The following LYRM4 variants were observed in gnomAD, a reference collection of about 807,000 sequenced individuals.
The protein encoded by LYRM4 is LYR motif-containing protein 4.
Under a neutral mutation model 11.7 loss-of-function variants are expected in LYRM4, and 9 were observed. The ratio of observed to expected loss-of-function variants is 0.77; its 90% CI spans 0.46 to 1.34. The LOEUF (loss-of-function observed/expected upper bound fraction) is 1.34. Ranked by LOEUF, LYRM4 falls within the 40% of genes most tolerant of loss-of-function variation. The probability of loss-of-function intolerance (pLI) is 0.00; values close to 1 mark genes in which losing one functional copy is unlikely to be tolerated. For synonymous variants in LYRM4, 42 were observed against 40.4 expected, an observed-to-expected ratio of 1.04 and a Z score of -0.15; for missense variants, 133 against 112.5, an observed-to-expected ratio of 1.18 and a Z score of -0.82.
chr6:5,049,946 G>T, the LYRM4 span, among the ~76,000 whole-genome samples: 4 of 152,222 alleles, frequency 2.6e-5, no homozygotes, highest in Non-Finnish European at 5.9e-5. Context: ...GGGATTACAG[G>T]CATAAGCCAC....
chr6:5,208,100 T>C (rs1445363471), intron 2 of LYRM4, among the ~76,000 whole-genome samples: 1 of 152,200 alleles, frequency 6.6e-6, no homozygotes, highest in Non-Finnish European at 1.5e-5. Flanking sequence ...TAAGAGTTCC[T>C]TTCTCTTAGG....
intron 2 of LYRM4, among the ~76,000 whole-genome samples, chr6:5,130,287 G>T (rs1317138345): frequency 1.3e-5 from 2 of 151,484 alleles, no homozygotes; most frequent in Non-Finnish European, 2.9e-5. Flanking sequence ...GGGCCTGGAG[G>T]AGACGTGTGA....
At chr6:5,069,180 T>C in the LYRM4 span, among the ~76,000 whole-genome samples, 2,738 of 152,262 alleles carry the variant, frequency 0.018, 79 homozygotes, top group African/African-American at 0.063. Flanking sequence ...TCAAACGCGG[T>C]AGGGCAGCAT....
chr6:5,240,186 G>T (rs896080935), intron 1 of LYRM4, among the ~76,000 whole-genome samples: 3 of 152,020 alleles, frequency 2.0e-5, no homozygotes, highest in African/African-American at 7.2e-5. Context: ...AACCTTTCCA[G>T]GCCTTCTCTA....
intron 2 of LYRM4, among the ~76,000 whole-genome samples, chr6:5,188,503 T>C (rs1364739246): frequency 6.6e-6 from 1 of 152,208 alleles, no homozygotes; most frequent in Non-Finnish European, 1.5e-5. Flanking sequence ...TGTGTTTTTG[T>C]TCCTCTTATT....
chr6:5,137,343 G>C (rs910771316), intron 2 of LYRM4, among the ~76,000 whole-genome samples: 8 of 152,112 alleles, frequency 5.3e-5, no homozygotes, highest in African/African-American at 1.9e-4. Flanking sequence ...CATTTCTCTT[G>C]AGTATACATG....
In LYRM4 at chr6:5,216,682, TC is replaced by T; in HGVS notation, c.142del (p.Asp48IlefsTer3). 1 of 1,614,034 alleles carries T rather than the reference TC, an allele frequency of 6.2e-7. No homozygotes were observed. Among genetic ancestry groups the T allele is most frequent in the Non-Finnish European group, 8.5e-7 (1 of 1,179,986 alleles). On this transcript the variant is annotated frameshift_variant, in exon 2 of 3. Transcript: ENST00000330636. LOFTEE classifies it high-confidence loss of function. ...DAFRENKNVK[D>X]PVEIQTLVNK... Reference sequence around the variant, plus strand: ...CACTAGGGTTTGAATTTCTACAGGATCCTTTACATTTTTATTTTCTCTGAAG... The same window carrying T: ...CACTAGGGTTTGAATTTCTACAGGATCTTTACATTTTTATTTTCTCTGAAG...
At chr6:5,260,507 A>G (rs1171824734) in intron 1 of LYRM4, 141 bp downstream of exon 1, 6 of 1,169,512 alleles carry the variant, frequency 5.1e-6, no homozygotes, top group South Asian at 4.4e-5. Context: ...ACGCTTTTCG[A>G]TGGCGGAGCC....
At position 5,256,491 on chromosome 6, in the gene LYRM4, GAAAAAAAAAA is replaced by G. The variant is rs1161084364; in HGVS notation, c.86+4147_86+4156del. On this transcript the variant is annotated intron_variant, in intron 1 of 2. Coordinates refer to ENST00000330636, the MANE Select transcript of LYRM4 (RefSeq NM_020408.6). Reference sequence around the variant, plus strand: ...GGCAACAAGGGCAAGATTTCAACTGGAAAAAAAAAAAAAAAAAAAAAAAAAAAAAAAAAAA... The same window carrying G: ...GGCAACAAGGGCAAGATTTCAACTGGAAAAAAAAAAAAAAAAAAAAAAAAA... Among the ~76,000 whole-genome samples, 13 of 43,876 alleles carry G rather than the reference GAAAAAAAAAA, an allele frequency of 3.0e-4. No individual in the cohort carries two copies. The East Asian group carries it at 3.7e-3, about 12-fold the overall frequency. 28.8% of individuals were successfully genotyped at this position (43,876 alleles called of 152,430 possible). A position where few individuals can be genotyped will look rare whatever the true frequency, so the allele number is the denominator to read the frequency against.
intron 1 of LYRM4, among the ~76,000 whole-genome samples, chr6:5,255,156 A>G (rs896908804): frequency 6.6e-6 from 1 of 152,018 alleles, no homozygotes. Flanking sequence ...CATTTCTTCA[A>G]CCCTACAGTA....
chr6:5,163,428 C>A (rs1434742489), intron 2 of LYRM4, among the ~76,000 whole-genome samples: 1 of 152,034 alleles, frequency 6.6e-6, no homozygotes, highest in Non-Finnish European at 1.5e-5. Context: ...TAGCCTCGCA[C>A]CAACGCCACA....
the LYRM4 span, among the ~76,000 whole-genome samples, chr6:5,038,897 A>G: frequency 5.0e-3 from 41 of 8,132 alleles, no homozygotes; most frequent in African/African-American, 0.013. Context: ...AGAGAGGGAG[A>G]GGGAGAGGGA....
At chr6:5,200,697 C>T (rs1416352623) in intron 2 of LYRM4, among the ~76,000 whole-genome samples, 2 of 152,166 alleles carry the variant, frequency 1.3e-5, no homozygotes, top group East Asian at 1.9e-4. Flanking sequence ...GACAAGGCCC[C>T]TCTCTAGTTC....
chr6:5,036,825 C>T, the LYRM4 span, among the ~76,000 whole-genome samples: 31 of 152,134 alleles, frequency 2.0e-4, no homozygotes, highest in African/African-American at 7.2e-4. Flanking sequence ...AGGAGACCTG[C>T]GGGCACGGGA....
At chr6:5,124,960 C>T (rs541692188) in intron 2 of LYRM4, among the ~76,000 whole-genome samples, 44 of 152,262 alleles carry the variant, frequency 2.9e-4, no homozygotes, top group Non-Finnish European at 5.0e-4. Flanking sequence ...ACTGTGAGCC[C>T]CCTGAAGTTG....
the LYRM4 span, chr6:5,086,757 G>T: frequency 8.4e-6 from 5 of 593,240 alleles, no homozygotes; most frequent in Non-Finnish European, 1.5e-5. Context: ...TAGAGAGCCC[G>T]GGCAATGCTC....
the LYRM4 span, among the ~76,000 whole-genome samples, chr6:5,045,369 G>A: frequency 1.3e-5 from 2 of 152,172 alleles, no homozygotes; most frequent in Non-Finnish European, 2.9e-5. Context: ...GGCACAAAAG[G>A]ACAAATACTC....
rs969612916 is a variant in LYRM4 at position 5,259,630 on chromosome 6, G to A, written c.86+1018C>T. On this transcript the variant is annotated intron_variant, in intron 1 of 2. Transcript: ENST00000330636. Reference sequence around the variant, plus strand: ...CCAGCTCACACACGTGCTGGAGGGGGGCCTACCTAACCAGGTGTGTTCCAA... The same window carrying A: ...CCAGCTCACACACGTGCTGGAGGGGAGCCTACCTAACCAGGTGTGTTCCAA... 3.9e-5 allele frequency among the ~76,000 whole-genome samples: 6 copies of A among 152,286 alleles called. No homozygotes were observed. The East Asian group carries it at 7.7e-4, about 20-fold the overall frequency.
At chr6:5,222,774 A>AG (rs1762657245) in intron 1 of LYRM4, among the ~76,000 whole-genome samples, 1 of 151,634 alleles carries the variant, frequency 6.6e-6, no homozygotes, top group Non-Finnish European at 1.5e-5. Flanking sequence ...GAAAAAAAAA[A>AG]AAAGAAAGAT....
Sources: allele counts gnomAD v4.1 joint callset (sites outside exome capture counted in the v4.1 genomes callset), GRCh38; gene constraint gnomAD v4.1.1; transcripts MANE v1.5; gene names NCBI Gene and HGNC (gene_info 2026-07-23, HGNC 2026-07-21).